Variants in ZNF713 observed in about 807,000 individuals in gnomAD.
ZNF713 encodes the protein zinc finger protein 713.
A neutral mutation model predicts 28.7 loss-of-function variants in ZNF713; 21 were observed. The observed-to-expected ratio is 0.73, with a 90% CI of 0.52 to 1.05. ZNF713 has a LOEUF of 1.05. Ranked by LOEUF, ZNF713 falls within the 50% of genes least tolerant of loss-of-function variation. The probability of loss-of-function intolerance (pLI) is 0.00; values close to 1 mark genes in which losing one functional copy is unlikely to be tolerated. For synonymous variants in ZNF713, 167 were observed against 178.0 expected, an observed-to-expected ratio of 0.94 and a Z score of 0.49; for missense variants, 458 against 532.4, an observed-to-expected ratio of 0.86 and a Z score of 1.37.
Position 55,912,681 on chromosome 7 carries a change from G to A in ZNF713, c.45G>A (p.Glu15=). The change falls in exon 4 of 7, where the codon GAG becomes GAA. Residue 15 remains glutamate, a synonymous_variant. Transcript: ENST00000429591. Reference sequence around the variant, plus strand: ...TTTTTTCTCAGGAGGGGAACATGGAGGAGGAAGAAATGAATGATGGCTCAC... The same window carrying A: ...TTTTTTCTCAGGAGGGGAACATGGAAGAGGAAGAAATGAATGATGGCTCAC... The part of the protein sequence containing the change: ...NAVFSQEGNM[E]EEEMNDGSQM... The A allele has an allele frequency of 6.2e-7, 1 of 1,613,646 alleles. No homozygotes were observed.
intron 4 of ZNF713, among the ~76,000 whole-genome samples, chr7:55,916,674 C>A (rs1785886906): frequency 6.6e-6 from 1 of 152,092 alleles, no homozygotes; most frequent in Non-Finnish European, 1.5e-5. Context: ...ACATCTCAAA[C>A]CAGTGATAAA....
At chr7:55,929,644 A>G (rs984214472) in intron 6 of ZNF713, among the ~76,000 whole-genome samples, 1 of 151,998 alleles carries the variant, frequency 6.6e-6, no homozygotes, top group African/African-American at 2.4e-5. Flanking sequence ...AGTCCCAGCT[A>G]CTCAGGAGGC....
At position 55,917,867 on chromosome 7, in the gene ZNF713, A is replaced by C. The variant is rs1487120273; in HGVS notation, c.87+5144A>C. Reference sequence around the variant, plus strand: ...TTTATCACCAAGCTTGATATTTGCCATGAGTTTGATATTTTCCACAAGTAT... The same window carrying C: ...TTTATCACCAAGCTTGATATTTGCCCTGAGTTTGATATTTTCCACAAGTAT... On this transcript the variant is annotated intron_variant, in intron 4 of 6. Coordinates refer to ENST00000429591, the MANE Select transcript of ZNF713 (RefSeq NM_182633.3). Among the ~76,000 whole-genome samples, 3 of 152,306 alleles carry C rather than the reference A, an allele frequency of 2.0e-5. No homozygotes were observed. The East Asian group carries it at 5.8e-4, about 29-fold the overall frequency.
In ZNF713 at chr7:55,939,808, C is replaced by CTTCA; in HGVS notation, c.1135_1138dup (p.Ser380IlefsTer11). 1.9e-6 allele frequency: 3 copies of CTTCA among 1,614,130 alleles called. No homozygotes were observed. Among genetic ancestry groups the CTTCA allele is most frequent in the Non-Finnish European group, 2.5e-6 (3 of 1,180,028 alleles). On this transcript the variant is annotated frameshift_variant, in exon 7 of 7. Transcript: ENST00000429591. LOFTEE classifies it high-confidence loss of function. Reference sequence around the variant, plus strand: ...ACGAATGTGGTTTCTGTGGCAAAGCCTTCAGTCAGAGGACACATCTGAATC... The same window carrying CTTCA: ...ACGAATGTGGTTTCTGTGGCAAAGCCTTCATTCAGTCAGAGGACACATCTGAATC...
At chr7:55,924,290 C>G (rs1398605452) in intron 6 of ZNF713, 1 of 152,300 alleles carries the variant, frequency 6.6e-6, no homozygotes, top group Non-Finnish European at 1.5e-5. Context: ...AATTTCCTTC[C>G]AGTCAAATCC....
intron 6 of ZNF713, among the ~76,000 whole-genome samples, chr7:55,929,564 CAG>C (rs1242719510): frequency 6.6e-6 from 1 of 152,080 alleles, no homozygotes; most frequent in African/African-American, 2.4e-5. Flanking sequence ...CCAAAGGAAA[CAG>C]ATTTTACACG....
chr7:55,931,617 C>G (rs1786211836), intron 6 of ZNF713, among the ~76,000 whole-genome samples: 1 of 151,640 alleles, frequency 6.6e-6, no homozygotes, highest in Non-Finnish European at 1.5e-5. Context: ...CTCCTTCTTT[C>G]CCTCTCTCCT....
intron 1 of ZNF713, among the ~76,000 whole-genome samples, chr7:55,894,727 A>G (rs748073749): frequency 6.6e-6 from 1 of 152,204 alleles, no homozygotes; most frequent in Non-Finnish European, 1.5e-5. Flanking sequence ...AGCAAGCAAG[A>G]AAGAAAACAA....
At chr7:55,919,651 A>G (rs1427474884) in intron 4 of ZNF713, among the ~76,000 whole-genome samples, 1 of 151,706 alleles carries the variant, frequency 6.6e-6, no homozygotes, top group Admixed American at 6.6e-5. Flanking sequence ...GACTACAGGC[A>G]TGTGCCACCA....
chr7:55,889,856 T>G (rs1785347024), intron 1 of ZNF713, among the ~76,000 whole-genome samples: 1 of 152,220 alleles, frequency 6.6e-6, no homozygotes, highest in Admixed American at 6.5e-5. Context: ...TAATTTTACC[T>G]TAGAGTATGC....
At chr7:55,932,366 C>CAA (rs35990100) in intron 6 of ZNF713, among the ~76,000 whole-genome samples, 41 of 139,762 alleles carry the variant, frequency 2.9e-4, no homozygotes, top group Middle Eastern at 3.6e-3. Flanking sequence ...TCGTCTCTAC[C>CAA]AAAAAAAAAA....
chr7:55,892,148 C>A (rs948880380), intron 1 of ZNF713, among the ~76,000 whole-genome samples: 1 of 150,404 alleles, frequency 6.6e-6, no homozygotes, highest in Non-Finnish European at 1.5e-5. Flanking sequence ...GGCCTGGTGG[C>A]GGGCGCCTGT....
At chr7:55,888,350 G>T (rs1018613430) in intron 1 of ZNF713, among the ~76,000 whole-genome samples, 1 of 152,070 alleles carries the variant, frequency 6.6e-6, no homozygotes, top group Non-Finnish European at 1.5e-5. Flanking sequence ...ATTACATTTT[G>T]CAGGCGTGTG....
At chr7:55,897,003 GAATAA>G (rs1295019890) in intron 1 of ZNF713, among the ~76,000 whole-genome samples, 1 of 152,064 alleles carries the variant, frequency 6.6e-6, no homozygotes, top group Non-Finnish European at 1.5e-5. Flanking sequence ...TTAACTCATA[GAATAA>G]AATAAGTATC....
rs1404237010 is a variant in ZNF713 at position 55,923,590 on chromosome 7, G to A, written c.215-17G>A. 1.3e-6 allele frequency: 2 copies of A among 1,573,304 alleles called. No homozygotes were observed. Among genetic ancestry groups the A allele is most frequent in the Non-Finnish European group, 1.7e-6 (2 of 1,156,436 alleles). On this transcript the variant is annotated splice_polypyrimidine_tract_variant and intron_variant, in intron 5 of 6. Transcript: ENST00000429591. ...CCCAGTACAAACTCCTAAGATGTAT[G>A]TTACTCCTGTGAATAGGGTATCAGC...
At chr7:55,905,586 T>C (rs528406349) in intron 1 of ZNF713, among the ~76,000 whole-genome samples, 1 of 151,888 alleles carries the variant, frequency 6.6e-6, no homozygotes, top group South Asian at 2.1e-4. Flanking sequence ...AAAAGAAAAA[T>C]GGATCAGTCT....
intron 4 of ZNF713, among the ~76,000 whole-genome samples, chr7:55,913,353 C>T (rs962161578): frequency 2.0e-5 from 3 of 151,960 alleles, no homozygotes; most frequent in African/African-American, 7.3e-5. Context: ...AGGTGCCCAC[C>T]ACCACGCCCG....
At chr7:55,892,655 A>G (rs867989548) in intron 1 of ZNF713, among the ~76,000 whole-genome samples, 11 of 151,230 alleles carry the variant, frequency 7.3e-5, no homozygotes, top group Non-Finnish European at 1.3e-4. Flanking sequence ...ATTGGATCAC[A>G]TGAGGTCGGG....
At chr7:55,905,921 A>G (rs1197231899) in intron 1 of ZNF713, among the ~76,000 whole-genome samples, 1 of 151,724 alleles carries the variant, frequency 6.6e-6, no homozygotes, top group Non-Finnish European at 1.5e-5. Context: ...GGCCAACATG[A>G]TGAAACCCCG....
Sources: gnomAD v4.1 joint callset for allele counts (sites outside exome capture counted in the v4.1 genomes callset) on GRCh38, gnomAD v4.1.1 for gene constraint, MANE v1.5 for transcripts, NCBI Gene and HGNC (gene_info 2026-07-23, HGNC 2026-07-21) for gene names.